MAML2: variants seen among roughly 807,000 people sequenced by gnomAD.
MAML2 encodes mastermind like transcriptional coactivator 2.
Under a neutral mutation model 96.1 loss-of-function variants are expected in MAML2, and 22 were observed. That is an observed-to-expected ratio of 0.23 (90% CI 0.16 to 0.33). The LOEUF (loss-of-function observed/expected upper bound fraction) is 0.33. Among genes scored for constraint, MAML2 ranks in the 10% least tolerant of loss-of-function variants. MAML2 has a pLI of 1.00. For missense variants in MAML2, 1,367 were observed against 1,392.4 expected, an observed-to-expected ratio of 0.98 and a Z score of 0.29; for synonymous variants, 561 against 521.3, an observed-to-expected ratio of 1.08 and a Z score of -1.04.
chr11:96,092,331 G>C lies in MAML2; in HGVS notation c.1700C>G (p.Ala567Gly). Residue 567 changes from alanine to glycine, a missense_variant, in exon 2 of 5, where the codon GCG (alanine) becomes GGG (glycine). Transcript: ENST00000524717. The surrounding 1 kb of genome is among the most constrained non-coding windows in gnomAD (Gnocchi z 4.1). The part of the protein sequence containing the change: ...KPLFHFNSDQ[A>G]NQQMPSVLPS... ...CAAAACAGAAGGCATCTGCTGGTTCGCTTGATCTGAGTTAAAATGAAACAA... is the reference window on the plus strand; with the variant it reads ...CAAAACAGAAGGCATCTGCTGGTTCCCTTGATCTGAGTTAAAATGAAACAA... The C allele has an allele frequency of 1.2e-6, 2 of 1,605,494 alleles. No homozygotes were observed. Among genetic ancestry groups the C allele is most frequent in the Non-Finnish European group, 1.7e-6 (2 of 1,175,858 alleles).
intron 2 of MAML2, among the ~76,000 whole-genome samples, chr11:95,992,078 C>A (rs1039349650): frequency 6.6e-6 from 1 of 152,188 alleles, no homozygotes; most frequent in Non-Finnish European, 1.5e-5. Flanking sequence ...CCTAACAAAT[C>A]CTTCCTTTTC....
At chr11:96,286,843 G>T (rs1214373670) in intron 1 of MAML2, among the ~76,000 whole-genome samples, 1 of 152,060 alleles carries the variant, frequency 6.6e-6, no homozygotes, top group Non-Finnish European at 1.5e-5. Flanking sequence ...GACAGAAATT[G>T]ATTAAACTAT....
intron 1 of MAML2, among the ~76,000 whole-genome samples, chr11:96,307,105 C>A (rs909917242): frequency 6.6e-6 from 1 of 152,196 alleles, no homozygotes; most frequent in African/African-American, 2.4e-5. Flanking sequence ...CAACAAAATA[C>A]AAACTCTCCT....
intron 1 of MAML2, among the ~76,000 whole-genome samples, chr11:96,266,739 G>C (rs1862833238): frequency 6.6e-6 from 1 of 152,150 alleles, no homozygotes; most frequent in African/African-American, 2.4e-5. Flanking sequence ...TTAAATGGTA[G>C]GATGTACTTA....
intron 1 of MAML2, among the ~76,000 whole-genome samples, chr11:96,182,324 G>A (rs541902388): frequency 6.6e-6 from 1 of 152,112 alleles, no homozygotes; most frequent in South Asian, 2.1e-4. Flanking sequence ...AGAGCCTTAC[G>A]CATTCAACAA....
intron 1 of MAML2, among the ~76,000 whole-genome samples, chr11:96,268,715 T>C (rs1359516575): frequency 6.6e-6 from 1 of 152,162 alleles, no homozygotes; most frequent in Non-Finnish European, 1.5e-5. Context: ...GTTCTCGTGA[T>C]AGTTAATAAG....
At chr11:96,030,189 T>C (rs538029336) in intron 2 of MAML2, among the ~76,000 whole-genome samples, 400 of 151,920 alleles carry the variant, frequency 2.6e-3, no homozygotes, top group African/African-American at 8.7e-3. Flanking sequence ...TGAGCCGAGA[T>C]TGCGCCACTG....
intron 2 of MAML2, among the ~76,000 whole-genome samples, chr11:96,005,841 A>G (rs1343752586): frequency 1.3e-5 from 2 of 152,216 alleles, no homozygotes; most frequent in Admixed American, 1.3e-4. Context: ...GATAATTTTT[A>G]TGCTTTGAAT....
intron 2 of MAML2, among the ~76,000 whole-genome samples, chr11:96,052,212 C>T (rs545299739): frequency 6.6e-6 from 1 of 152,154 alleles, no homozygotes; most frequent in South Asian, 2.1e-4. Context: ...GTTGGGTGAA[C>T]CAAGGTAGTG....
chr11:96,199,770 A>G (rs1245189527), intron 1 of MAML2, among the ~76,000 whole-genome samples: 1 of 152,226 alleles, frequency 6.6e-6, no homozygotes, highest in Non-Finnish European at 1.5e-5. Context: ...CTGTTGACTC[A>G]TGTGAATATG....
intron 1 of MAML2, among the ~76,000 whole-genome samples, chr11:96,321,077 T>C (rs1406692264): frequency 6.6e-6 from 1 of 151,766 alleles, no homozygotes; most frequent in East Asian, 1.9e-4. Context: ...AGCTGGAGGG[T>C]TTCCAGGCCA....
Position 96,092,418 on chromosome 11 carries a change from C to A in MAML2, c.1613G>T (p.Ser538Ile). The stretch of plus-strand genomic sequence containing the variant: ...GTGCGGGTTGTTAATAAAACTTCGA[C>A]TGAGATCCTGAGGCTTTTGCTGCAT... ...VLMQQKPQDL[S>I]RSFINNPHPA... Residue 538 changes from serine (S) to isoleucine (I), a missense_variant, in exon 2 of 5, where the codon AGT (serine) becomes ATT (isoleucine). By Grantham distance (142) the Ser-to-Ile change is moderately radical. Coordinates refer to ENST00000524717, the MANE Select transcript of MAML2 (RefSeq NM_032427.4). This position sits in a 1 kb window ranked among gnomAD's most constrained non-coding sequence, Gnocchi z 4.1. The A allele has an allele frequency of 6.2e-7, 1 of 1,613,950 alleles. No individual in the cohort carries two copies. The highest frequency in any genetic ancestry group is 1.7e-5 in the Admixed American group (1 of 60,014).
intron 1 of MAML2, among the ~76,000 whole-genome samples, chr11:96,135,283 G>C (rs1485254833): frequency 1.3e-5 from 2 of 152,050 alleles, no homozygotes; most frequent in Non-Finnish European, 2.9e-5. Context: ...CCAGCCCCTT[G>C]GACTTCCCAG....
chr11:95,979,916 G>A lies in MAML2; in HGVS notation c.2503C>T (p.Pro835Ser). The change falls in exon 5 of 5, where the codon CCA (proline) becomes TCA (serine). Residue 835 changes from proline to serine, a missense_variant. Physicochemically the swap from Pro to Ser is moderately conservative, Grantham distance 74. Coordinates refer to ENST00000524717, the MANE Select transcript of MAML2 (RefSeq NM_032427.4). ...SLNSNQALAN[P>S]VSTHTILTPN... Reference sequence around the variant, plus strand: ...GTTAAAATGGTGTGTGTTGAAACTGGGTTTGCCAAAGCCTGGTTAGAGTTT... The same window carrying A: ...GTTAAAATGGTGTGTGTTGAAACTGAGTTTGCCAAAGCCTGGTTAGAGTTT... 2 of 1,613,820 alleles carry A rather than the reference G, an allele frequency of 1.2e-6. No homozygotes were observed. The highest frequency in any genetic ancestry group is 2.2e-5 in the East Asian group (1 of 44,876).
chr11:96,224,446 C>A (rs1486570873), intron 1 of MAML2, among the ~76,000 whole-genome samples: 1 of 152,190 alleles, frequency 6.6e-6, no homozygotes, highest in Non-Finnish European at 1.5e-5. Context: ...TACCTCTATG[C>A]CTTTGCTACC....
At chr11:96,326,693 G>A (rs1327980368) in intron 1 of MAML2, among the ~76,000 whole-genome samples, 2 of 151,764 alleles carry the variant, frequency 1.3e-5, no homozygotes, top group Admixed American at 6.6e-5. Flanking sequence ...CCAGCTACTC[G>A]GGAGGCTGAG....
intron 1 of MAML2, among the ~76,000 whole-genome samples, chr11:96,173,172 T>C (rs970208730): frequency 1.3e-5 from 2 of 152,182 alleles, no homozygotes; most frequent in Non-Finnish European, 2.9e-5. Context: ...CCAGAGCACT[T>C]GGACACAAGA....
At chr11:96,323,692 A>C (rs1480031680) in intron 1 of MAML2, among the ~76,000 whole-genome samples, 2 of 152,214 alleles carry the variant, frequency 1.3e-5, no homozygotes, top group African/African-American at 4.8e-5. Context: ...TCTATGGATT[A>C]TGCTCCAGAT....
chr11:95,979,675 C>T lies in MAML2; in HGVS notation c.2744G>A (p.Gly915Glu). 1 of 1,613,778 alleles carries T rather than the reference C, an allele frequency of 6.2e-7. No homozygotes were observed. Among genetic ancestry groups the T allele is most frequent in the South Asian group, 1.1e-5 (1 of 91,046 alleles). The change falls in exon 5 of 5, where the codon GGG becomes GAG. Residue 915 changes from glycine to glutamate, a missense_variant. Transcript: ENST00000524717. ...GGCTACATTGTTATTATTACTTGGC[C>T]CTAAGGTAGGTGGCCGTGGCATCAT... ...NPMMPRPPTL[G>E]PSNNNNVATF...
Sources: allele counts gnomAD v4.1 joint callset (sites outside exome capture counted in the v4.1 genomes callset), GRCh38; gene constraint gnomAD v4.1.1; non-coding constraint Gnocchi (gnomAD v3.1); transcripts MANE v1.5; gene names NCBI Gene and HGNC (gene_info 2026-07-23, HGNC 2026-07-21).